TMEM59L: variants seen among roughly 807,000 people sequenced by gnomAD.
TMEM59L encodes transmembrane protein 59-like.
A neutral mutation model predicts 39.6 loss-of-function variants in TMEM59L; 31 were observed. That is an observed-to-expected ratio of 0.78 (90% CI 0.59 to 1.06). TMEM59L has a LOEUF of 1.06. TMEM59L is among the 50% of genes least tolerant of loss of function. The pLI, the probability that TMEM59L is intolerant of heterozygous loss-of-function variation, is 0.00. For missense variants in TMEM59L, 441 were observed against 451.3 expected, an observed-to-expected ratio of 0.98 and a Z score of 0.21; for synonymous variants, 219 against 202.9, an observed-to-expected ratio of 1.08 and a Z score of -0.68.
At position 18,613,072 on chromosome 19, in the gene TMEM59L, C is replaced by T; in HGVS notation, c.114C>T (p.Asp38=). The T allele has an allele frequency of 7.3e-7, 1 of 1,368,626 alleles. No homozygotes were observed. Among genetic ancestry groups the T allele is most frequent in the Admixed American group, 3.4e-5 (1 of 29,010 alleles). The allele number at this position is 1,368,626 out of a possible 1,614,324, so 84.8% of individuals were successfully genotyped here. The change falls in exon 1 of 8, where the codon GAC becomes GAT. Residue 38 remains aspartate (D), a synonymous_variant. Transcript: ENST00000262817. ...ARDPFAPQLG[D]TQNCQLRCRD... is the part of the protein sequence containing the mutation. Reference sequence around the variant, plus strand: ...ATCCCTTCGCCCCCCAGCTCGGGGACACGCAGAACTGCCAGCTGCGGTGCC... The same window carrying T: ...ATCCCTTCGCCCCCCAGCTCGGGGATACGCAGAACTGCCAGCTGCGGTGCC...
chr19:18,620,868 G>T lies in TMEM59L; in HGVS notation c.*332G>T. 5.4e-6 allele frequency: 1 copy of T among 183,612 alleles called. No homozygotes were observed. Among genetic ancestry groups the T allele is most frequent in the Non-Finnish European group, 1.1e-5 (1 of 87,618 alleles). The allele number at this position is 183,612 out of a possible 1,614,324, so 11.4% of individuals were successfully genotyped here. ...CTTCTATGTCCCCTCTCTGCGGGGGGGGCGCTGAGGCTGAGGGGGAGCTGC... is the reference window on the plus strand; with the variant it reads ...CTTCTATGTCCCCTCTCTGCGGGGGTGGCGCTGAGGCTGAGGGGGAGCTGC... On this transcript the variant is annotated 3_prime_UTR_variant, in exon 8 of 8. Transcript: ENST00000262817.
At chr19:18,615,068 C>T (rs927320348) in intron 3 of TMEM59L, among the ~76,000 whole-genome samples, 9 of 152,094 alleles carry the variant, frequency 5.9e-5, no homozygotes, top group Non-Finnish European at 8.8e-5. Context: ...CTGCAGCCTC[C>T]GCCTCCCGGG....
At chr19:18,613,437 C>T (rs1371313932) in intron 1 of TMEM59L, among the ~76,000 whole-genome samples, 5 of 151,882 alleles carry the variant, frequency 3.3e-5, no homozygotes, top group Admixed American at 1.3e-4. Context: ...CTGATGGTCC[C>T]CCCACCTCAT....
Position 18,613,038 on chromosome 19 carries a change from C to A in TMEM59L, c.80C>A (p.Ser27Tyr). The A allele has an allele frequency of 7.2e-7, 1 of 1,393,964 alleles. No individual in the cohort carries two copies. Among genetic ancestry groups the A allele is most frequent in the Non-Finnish European group, 9.3e-7 (1 of 1,076,136 alleles). 86.3% of individuals were successfully genotyped at this position (1,393,964 alleles called of 1,614,324 possible). The change falls in exon 1 of 8, where the codon TCC becomes TAC. Residue 27 changes from serine to tyrosine, a missense_variant. Coordinates refer to ENST00000262817, the MANE Select transcript of TMEM59L (RefSeq NM_012109.3). ...LASPPAASAP[S>Y]ARDPFAPQLG... ...TCGCCGCCCGCCGCCTCCGCGCCGT[C>A]CGCCCGCGATCCCTTCGCCCCCCAG...
At chr19:18,619,973 TCACACACACACACACACACA>T (rs57681167) in intron 7 of TMEM59L, among the ~76,000 whole-genome samples, 21 of 116,920 alleles carry the variant, frequency 1.8e-4, no homozygotes, top group Admixed American at 1.5e-3. Context: ...GAAGACCCCA[TCACACACACACACACACACA>T]CACACACACA....
rs534039129 is a variant in TMEM59L, at chr19:18,614,586, C to G, written c.408+391C>G. Among the ~76,000 whole-genome samples the G allele has an allele frequency of 3.3e-5, 5 of 152,330 alleles. No individual in the cohort carries two copies. The South Asian group carries it at 8.3e-4, about 25-fold the overall frequency. ...TGCAAGGGGCGAGATTTGAAGCCAC[C>G]AGAGCTGTGGCCACTCCTCACCTCA... On this transcript the variant is annotated intron_variant, in intron 3 of 7. Transcript: ENST00000262817.
Position 18,620,607 on chromosome 19 carries a change from C to T in TMEM59L, c.*71C>T. 1.3e-6 allele frequency: 2 copies of T among 1,556,918 alleles called. No homozygotes were observed. On this transcript the variant is annotated 3_prime_UTR_variant, in exon 8 of 8. Coordinates refer to ENST00000262817, the MANE Select transcript of TMEM59L (RefSeq NM_012109.3). Reference sequence around the variant, plus strand: ...CCTCACTTGCCCTGAGCCCAGGAGTCCAAGGGCAGGGTGGGTCCAGCCTTG... The same window carrying T: ...CCTCACTTGCCCTGAGCCCAGGAGTTCAAGGGCAGGGTGGGTCCAGCCTTG...
rs745353654 is a variant in TMEM59L at position 18,618,247 on chromosome 19, A to G, written c.757A>G (p.Asn253Asp). The change falls in exon 6 of 8, where the codon AAT becomes GAT. Residue 253 changes from asparagine to aspartate, a missense_variant. Transcript: ENST00000262817. ...GGTGGAGTCTGAAGAGCCACAGGACAATGACTTCCTCAGTTGCATGTCCCG... is the reference window on the plus strand; with the variant it reads ...GGTGGAGTCTGAAGAGCCACAGGACGATGACTTCCTCAGTTGCATGTCCCG... ...AKVESEEPQD[N>D]DFLSCMSRRS... is the part of the protein sequence containing the mutation. 3 of 1,462,318 alleles carry G rather than the reference A, an allele frequency of 2.1e-6. No homozygotes were observed. The South Asian group carries it at 3.4e-5, about 16-fold the overall frequency. The allele number at this position is 1,462,318 out of a possible 1,614,324, so 90.6% of individuals were successfully genotyped here.
chr19:18,617,672 C>A (rs1254554332), intron 5 of TMEM59L: 3 of 452,064 alleles, frequency 6.6e-6, no homozygotes, highest in Non-Finnish European at 1.3e-5. Context: ...TGCAGTTCAT[C>A]TCCCAGGGTT....
rs772046979 is a variant in TMEM59L at position 18,613,931 on chromosome 19, C to T, written c.231C>T (p.Cys77=). 3 of 1,613,148 alleles carry T rather than the reference C, an allele frequency of 1.9e-6. No homozygotes were observed. The highest frequency in any genetic ancestry group is 2.5e-6 in the Non-Finnish European group (3 of 1,180,024). ...PYDRAVLISA[C]ERGCRLFSIC... ...ACAGAGCCGTTCTGATCAGCGCTTG[C>T]GAGCGTGGCTGCCGCCTCTTCTCCA... The change falls in exon 2 of 8, where the codon TGC becomes TGT. Residue 77 remains cysteine (C), a synonymous_variant. Transcript: ENST00000262817.
At chr19:18,614,422 T>C (rs1230911291) in intron 3 of TMEM59L, among the ~76,000 whole-genome samples, 1 of 152,188 alleles carries the variant, frequency 6.6e-6, no homozygotes, top group African/African-American at 2.4e-5. Context: ...AAAACAGCCA[T>C]CATTTATCAA....
intron 5 of TMEM59L, chr19:18,617,444 G>A (rs34863656): frequency 0.12 from 57,167 of 473,276 alleles, 5,019 homozygotes; most frequent in African/African-American, 0.35. Context: ...TCCGTGTTCC[G>A]CCTCCCAGCG....
intron 7 of TMEM59L, 79 bp from the exon 8 acceptor site, chr19:18,620,329 G>T (rs1165528330): frequency 2.9e-6 from 4 of 1,373,138 alleles, no homozygotes; most frequent in Non-Finnish European, 3.0e-6. Context: ...AACAATCAGA[G>T]GTGGGAAGGA....
At chr19:18,616,890 GGGGAA>G in intron 4 of TMEM59L, 105 bp from the exon 5 acceptor site, 19 of 793,318 alleles carry the variant, frequency 2.4e-5, no homozygotes, top group South Asian at 3.3e-5. Context: ...CTGATACCCA[GGGGAA>G]CTGGGTATCA....
Position 18,616,183 on chromosome 19 carries a change from A to C in TMEM59L, c.561+56A>C, listed in dbSNP as rs1976425803. 14 of 1,602,512 alleles carry C rather than the reference A, an allele frequency of 8.7e-6. 1 individual carries two copies. In the South Asian group the frequency reaches 1.4e-4, roughly 17 times the overall value. ...TGGCAGATGGGTGGGCAGGGTAAGAAGATGGGATGCATTGGCTCTTAGCTC... is the reference window on the plus strand; with the variant it reads ...TGGCAGATGGGTGGGCAGGGTAAGACGATGGGATGCATTGGCTCTTAGCTC... On this transcript the variant is annotated intron_variant, in intron 4 of 7. Coordinates refer to ENST00000262817, the MANE Select transcript of TMEM59L (RefSeq NM_012109.3).
rs1976455837 is a variant in TMEM59L at position 18,618,444 on chromosome 19, G to A, written c.852G>A (p.Leu284=). 6.2e-7 allele frequency: 1 copy of A among 1,608,086 alleles called. No homozygotes were observed. The highest frequency in any genetic ancestry group is 8.5e-7 in the Non-Finnish European group (1 of 1,179,126). The change falls in exon 7 of 8, where the codon CTG becomes CTA. Residue 284 remains leucine, a synonymous_variant. Coordinates refer to ENST00000262817, the MANE Select transcript of TMEM59L (RefSeq NM_012109.3). ...LFLSVLVMLW[L]SCSTLVTAPG... The stretch of plus-strand genomic sequence containing the variant: ...TCTCCGTGCTGGTGATGCTGTGGCT[G>A]AGCTGCTCCACCCTGGTGACCGCGC...
intron 3 of TMEM59L, among the ~76,000 whole-genome samples, chr19:18,615,703 G>A (rs1331581286): frequency 1.3e-5 from 2 of 152,216 alleles, no homozygotes; most frequent in Non-Finnish European, 1.5e-5. Context: ...TGCCTCCTGG[G>A]TTCAAGCAAA....
intron 4 of TMEM59L, among the ~76,000 whole-genome samples, chr19:18,616,654 A>G (rs151293612): frequency 1.1e-4 from 17 of 152,210 alleles, no homozygotes; most frequent in Admixed American, 3.3e-4. Flanking sequence ...CGGCCTCCCA[A>G]AGTGCTGGGA....
In TMEM59L at chr19:18,620,800, T is replaced by C; in HGVS notation, c.*264T>C. 1 of 341,002 alleles carries C rather than the reference T, an allele frequency of 2.9e-6. No individual in the cohort carries two copies. Among genetic ancestry groups the C allele is most frequent in the Non-Finnish European group, 5.4e-6 (1 of 185,372 alleles). The allele number at this position is 341,002 out of a possible 1,614,324, so 21.1% of individuals were successfully genotyped here. A position where few individuals can be genotyped will look rare whatever the true frequency, so the allele number is the denominator to read the frequency against. ...ACTTTTTGTCTTCTATTGTGTGGCT[T>C]TCTGAGTATTTGAACCCCAGTCCTG... is the stretch of plus-strand genomic sequence containing the variant. On this transcript the variant is annotated 3_prime_UTR_variant, in exon 8 of 8. Transcript: ENST00000262817.
Sources: allele counts gnomAD v4.1 joint callset (sites outside exome capture counted in the v4.1 genomes callset), GRCh38; gene constraint gnomAD v4.1.1; transcripts MANE v1.5; gene names NCBI Gene and HGNC (gene_info 2026-07-23, HGNC 2026-07-21).